CHL1: variants seen among roughly 807,000 people sequenced by gnomAD.
CHL1 encodes the protein neural cell adhesion molecule L1-like protein.
A neutral mutation model predicts 141.9 loss-of-function variants in CHL1; 96 were observed. The ratio of observed to expected loss-of-function variants is 0.68; its 90% confidence interval spans 0.57 to 0.80. The LOEUF (loss-of-function observed/expected upper bound fraction) is 0.80. Among genes scored for constraint, CHL1 ranks in the 30% least tolerant of loss-of-function variants. The pLI is 0.00. For synonymous variants in CHL1, 613 were observed against 502.2 expected (o/e 1.22, Z -2.95); for missense variants, 1,820 against 1,457.2 (o/e 1.25, Z -4.05).
chr3:390,700 G>A lies in CHL1; in HGVS notation c.2471-1G>A. On this transcript the variant is annotated splice_acceptor_variant, in intron 20 of 27. Transcript: ENST00000256509. LOFTEE classifies it high-confidence loss of function. ...ACTAATCAATCTTCTATGATTAACAGATCCTGATACAGCTCCAGTGATCCA... is the reference window on the plus strand; with the variant it reads ...ACTAATCAATCTTCTATGATTAACAAATCCTGATACAGCTCCAGTGATCCA... 1 of 1,529,056 alleles carries A rather than the reference G, an allele frequency of 6.5e-7. No homozygotes were observed. The highest frequency in any genetic ancestry group is 9.1e-7 in the Non-Finnish European group (1 of 1,103,508). The allele number at this position is 1,529,056 out of a possible 1,614,324, so 94.7% of individuals were successfully genotyped here.
At chr3:361,190 C>A (rs904937998) in intron 12 of CHL1, among the ~76,000 whole-genome samples, 1 of 151,184 alleles carries the variant, frequency 6.6e-6, no homozygotes, top group Non-Finnish European at 1.5e-5. Context: ...GAAACTGGAT[C>A]CCTTCCTTAC....
intron 19 of CHL1, chr3:384,810 T>C (rs1575247350): frequency 6.6e-6 from 1 of 152,206 alleles, no homozygotes; most frequent in African/African-American, 2.4e-5. Context: ...TCATTCCAGG[T>C]ATAATTTTTG....
chr3:374,255 G>A (rs533750521), intron 15 of CHL1, among the ~76,000 whole-genome samples: 2 of 152,188 alleles, frequency 1.3e-5, no homozygotes, highest in Admixed American at 6.5e-5. Flanking sequence ...GGCAGTGTAT[G>A]TATTACAACC....
chr3:271,131 A>T (rs991622797), intron 2 of CHL1, among the ~76,000 whole-genome samples: 1 of 152,216 alleles, frequency 6.6e-6, no homozygotes, highest in African/African-American at 2.4e-5. Flanking sequence ...ATCAAAAAAA[A>T]ATTCTTATAT....
chr3:200,069 C>T (rs1008376449), intron 1 of CHL1, among the ~76,000 whole-genome samples: 3 of 152,174 alleles, frequency 2.0e-5, no homozygotes, highest in Admixed American at 6.5e-5. Context: ...ATTAGTGTGA[C>T]AGCTTCTCTG....
intron 1 of CHL1, among the ~76,000 whole-genome samples, chr3:202,044 A>G (rs1296178759): frequency 2.6e-5 from 4 of 152,226 alleles, no homozygotes; most frequent in Non-Finnish European, 4.4e-5. Context: ...TGCACTGGCT[A>G]TAAAAGTCAG....
intron 1 of CHL1, among the ~76,000 whole-genome samples, chr3:223,380 G>T (rs1329215487): frequency 6.6e-6 from 1 of 152,172 alleles, no homozygotes; most frequent in African/African-American, 2.4e-5. Context: ...TGACTTTTGT[G>T]TGAGGACTAT....
intron 1 of CHL1, among the ~76,000 whole-genome samples, chr3:220,966 G>C (rs924659101): frequency 6.6e-6 from 1 of 152,074 alleles, no homozygotes; most frequent in Non-Finnish European, 1.5e-5. Context: ...TAGAACCTTG[G>C]TCTCCACAAC....
intron 2 of CHL1, among the ~76,000 whole-genome samples, chr3:269,672 T>C: frequency 6.6e-6 from 1 of 152,190 alleles, no homozygotes; most frequent in Non-Finnish European, 1.5e-5. Context: ...ATTACAGGCA[T>C]GCGCCACTAT....
chr3:232,737 G>A (rs1317283840), intron 1 of CHL1, among the ~76,000 whole-genome samples: 1 of 151,946 alleles, frequency 6.6e-6, no homozygotes, highest in Non-Finnish European at 1.5e-5. Context: ...AAATGAATCA[G>A]AGGTTGTTAG....
intron 2 of CHL1, among the ~76,000 whole-genome samples, chr3:316,568 G>T (rs1294038116): frequency 6.6e-6 from 1 of 151,924 alleles, no homozygotes; most frequent in African/African-American, 2.4e-5. Flanking sequence ...GTGGATCTGA[G>T]TTGATATCAT....
intron 18 of CHL1, 102 bp downstream of exon 18, chr3:382,773 T>C: frequency 9.8e-7 from 1 of 1,015,474 alleles, no homozygotes; most frequent in East Asian, 2.6e-5. Flanking sequence ...GGATTTTAGA[T>C]TTCTCCAAAT....
rs1263823529 is a variant in CHL1, at chr3:340,929, C to G, written c.508+13C>G. On this transcript the variant is annotated intron_variant, in intron 6 of 27. Coordinates refer to ENST00000256509, the MANE Select transcript of CHL1 (RefSeq NM_006614.4). The stretch of plus-strand genomic sequence containing the variant: ...TGGATGAATATTGGTAAGTAATGCT[C>G]CGTTCCATCAAAAAAGGGGGACATT... 6.2e-7 allele frequency: 1 copy of G among 1,604,882 alleles called. No homozygotes were observed. The highest frequency in any genetic ancestry group is 8.5e-7 in the Non-Finnish European group (1 of 1,176,744).
At chr3:205,007 T>G (rs1347859873) in intron 1 of CHL1, among the ~76,000 whole-genome samples, 4 of 152,184 alleles carry the variant, frequency 2.6e-5, no homozygotes, top group African/African-American at 9.7e-5. Flanking sequence ...GTAGTGAAAA[T>G]TAGAATTAAA....
At position 383,869 on chromosome 3, in the gene CHL1, A is replaced by T; in HGVS notation, c.2230A>T (p.Met744Leu). 3 of 1,609,386 alleles carry T rather than the reference A, an allele frequency of 1.9e-6. No homozygotes were observed. Among genetic ancestry groups the T allele is most frequent in the South Asian group, 1.1e-5 (1 of 90,748 alleles). ...IRVQASQPKE[M>L]IIKWEPLKSM... ...GGTTCAAGCCTCTCAACCCAAGGAAATGATTATAAAGTGGGAGGTGTGTAT... is the reference window on the plus strand; with the variant it reads ...GGTTCAAGCCTCTCAACCCAAGGAATTGATTATAAAGTGGGAGGTGTGTAT... Residue 744 changes from methionine to leucine, a missense_variant, in exon 19 of 28, where the codon ATG becomes TTG. Physicochemically the swap from Met to Leu is conservative, Grantham distance 15. Coordinates refer to ENST00000256509, the MANE Select transcript of CHL1 (RefSeq NM_006614.4).
chr3:235,884 A>T (rs13085405), intron 1 of CHL1, among the ~76,000 whole-genome samples: 1 of 152,150 alleles, frequency 6.6e-6, no homozygotes, highest in African/African-American at 2.4e-5. Flanking sequence ...CTCTGCCGTC[A>T]TACTCCAAGG....
chr3:311,854 T>A (rs559001455), intron 2 of CHL1, among the ~76,000 whole-genome samples: 1 of 152,306 alleles, frequency 6.6e-6, no homozygotes, highest in Admixed American at 6.5e-5. Flanking sequence ...CACAGCTATA[T>A]AAGTTGTTTT....
At chr3:304,324 T>C (rs566597334) in intron 2 of CHL1, among the ~76,000 whole-genome samples, 1 of 152,334 alleles carries the variant, frequency 6.6e-6, no homozygotes, top group East Asian at 1.9e-4. Context: ...TGGTACCAGC[T>C]CTTCTTTGTA....
chr3:252,942 G>A (rs331884), intron 2 of CHL1, among the ~76,000 whole-genome samples: 68,721 of 151,418 alleles, frequency 0.45, 16,315 homozygotes, highest in South Asian at 0.63. Flanking sequence ...TATAGTTACT[G>A]TAATGTAACT....
Sources: allele counts gnomAD v4.1 joint callset (sites outside exome capture counted in the v4.1 genomes callset), GRCh38; gene constraint gnomAD v4.1.1; transcripts MANE v1.5; gene names NCBI Gene and HGNC (gene_info 2026-07-23, HGNC 2026-07-21).